The following COMMD1 variants were observed in gnomAD, a reference collection of about 807,000 sequenced individuals.
The protein encoded by COMMD1 is copper metabolism domain containing 1.
Under a neutral mutation model 17.2 loss-of-function variants are expected in COMMD1, and 10 were observed. The observed-to-expected ratio is 0.58, with a 90% confidence interval of 0.36 to 0.99. COMMD1 has a LOEUF of 0.99. COMMD1 is among the 50% of genes least tolerant of loss of function. The probability of loss-of-function intolerance (pLI) is 0.01; values close to 1 mark genes in which losing one functional copy is unlikely to be tolerated. For synonymous variants in COMMD1, 97 were observed against 91.6 expected (o/e 1.06, Z -0.34); for missense variants, 270 against 231.8 (o/e 1.17, Z -1.07).
At chr2:61,981,173 A>G (rs1171827741) in intron 1 of COMMD1, among the ~76,000 whole-genome samples, 3 of 151,998 alleles carry the variant, frequency 2.0e-5, no homozygotes, top group Non-Finnish European at 4.4e-5. Flanking sequence ...CCATTTGTCC[A>G]CTTTTGCTTT....
At chr2:62,042,450 C>T (rs1670245541) in intron 2 of COMMD1, among the ~76,000 whole-genome samples, 2 of 152,216 alleles carry the variant, frequency 1.3e-5, no homozygotes, top group Admixed American at 1.3e-4. Context: ...TTTGTGGCAC[C>T]TAGCCTGGGC....
chr2:62,035,951 G>A (rs1055414618), intron 2 of COMMD1, among the ~76,000 whole-genome samples: 1 of 151,930 alleles, frequency 6.6e-6, no homozygotes, highest in Non-Finnish European at 1.5e-5. Flanking sequence ...CTACCCAGGA[G>A]GCTGAGGTGG....
intron 1 of COMMD1, among the ~76,000 whole-genome samples, chr2:61,922,299 G>A (rs1440054844): frequency 1.1e-4 from 17 of 152,122 alleles, no homozygotes; most frequent in Admixed American, 1.0e-3. Context: ...TATTTTTATA[G>A]GATTGTGGCA....
intron 1 of COMMD1, among the ~76,000 whole-genome samples, chr2:61,953,237 T>C (rs1020813225): frequency 3.2e-4 from 49 of 152,322 alleles, no homozygotes; most frequent in African/African-American, 9.4e-4. Flanking sequence ...CTCGAACTCC[T>C]GACCTCAGGT....
At chr2:61,950,622 T>C (rs974347786) in intron 1 of COMMD1, among the ~76,000 whole-genome samples, 5 of 152,214 alleles carry the variant, frequency 3.3e-5, no homozygotes, top group African/African-American at 1.2e-4. Flanking sequence ...CTCTTTGGCA[T>C]ATCCAAGTTG....
chr2:61,949,891 G>A (rs978421533), intron 1 of COMMD1, among the ~76,000 whole-genome samples: 1 of 152,174 alleles, frequency 6.6e-6, no homozygotes, highest in Non-Finnish European at 1.5e-5. Flanking sequence ...GCCACTGGCT[G>A]CCTGCCTGCA....
At chr2:62,088,669 G>T (rs1671740231) in intron 2 of COMMD1, among the ~76,000 whole-genome samples, 2 of 152,056 alleles carry the variant, frequency 1.3e-5, no homozygotes, top group South Asian at 4.1e-4. Context: ...CCTTCACATT[G>T]CTTTCTGAAA....
At chr2:62,078,293 C>T (rs1231422902) in intron 2 of COMMD1, among the ~76,000 whole-genome samples, 9 of 147,086 alleles carry the variant, frequency 6.1e-5, no homozygotes, top group Non-Finnish European at 1.0e-4. Flanking sequence ...GTAGCTCATG[C>T]CTGTAATCCC....
At chr2:61,971,551 G>C (rs1024066168) in intron 1 of COMMD1, among the ~76,000 whole-genome samples, 2 of 152,122 alleles carry the variant, frequency 1.3e-5, no homozygotes, top group Admixed American at 6.6e-5. Context: ...AAAAAGGTGT[G>C]TGTGTGGGGT....
chr2:61,945,776 A>T (rs1670889179), intron 1 of COMMD1, among the ~76,000 whole-genome samples: 1 of 152,206 alleles, frequency 6.6e-6, no homozygotes, highest in Non-Finnish European at 1.5e-5. Flanking sequence ...GGGGGCTTCC[A>T]GGTCATAGGC....
chr2:62,017,250 A>G (rs1402634654), intron 2 of COMMD1, among the ~76,000 whole-genome samples: 1 of 152,250 alleles, frequency 6.6e-6, no homozygotes, highest in African/African-American at 2.4e-5. Context: ...GAACTGAATT[A>G]TGATAAACCT....
At chr2:61,960,402 T>C (rs1260181873) in intron 1 of COMMD1, among the ~76,000 whole-genome samples, 1 of 152,050 alleles carries the variant, frequency 6.6e-6, no homozygotes. Context: ...GAGTACAAGG[T>C]ATAATACACC....
chr2:61,931,989 A>G (rs1490309058), intron 1 of COMMD1, among the ~76,000 whole-genome samples: 1 of 152,082 alleles, frequency 6.6e-6, no homozygotes, highest in Non-Finnish European at 1.5e-5. Flanking sequence ...GAAAGACTCC[A>G]TGGTCTTTGT....
At chr2:62,060,020 A>G (rs947905402) in intron 2 of COMMD1, among the ~76,000 whole-genome samples, 2 of 152,158 alleles carry the variant, frequency 1.3e-5, no homozygotes, top group African/African-American at 4.8e-5. Flanking sequence ...AGAGATTACA[A>G]TATACATTCT....
At chr2:61,963,688 T>A (rs1292199943) in intron 1 of COMMD1, among the ~76,000 whole-genome samples, 1 of 152,146 alleles carries the variant, frequency 6.6e-6, no homozygotes, top group Non-Finnish European at 1.5e-5. Flanking sequence ...ACCCTCAAGC[T>A]TGTGATTAGT....
intron 1 of COMMD1, among the ~76,000 whole-genome samples, chr2:61,992,230 C>G (rs1372699985): frequency 1.3e-5 from 2 of 152,058 alleles, no homozygotes; most frequent in African/African-American, 4.8e-5. Context: ...TGAGATTTTT[C>G]AAAATACTTA....
intron 1 of COMMD1, among the ~76,000 whole-genome samples, chr2:61,925,165 G>A (rs1670296080): frequency 6.6e-6 from 1 of 152,030 alleles, no homozygotes; most frequent in Admixed American, 6.6e-5. Context: ...GATTGGCAGG[G>A]AGAGGGGTGT....
chr2:61,984,970 C>T (rs1672063055), intron 1 of COMMD1, among the ~76,000 whole-genome samples: 1 of 149,928 alleles, frequency 6.7e-6, no homozygotes, highest in African/African-American at 2.4e-5. Flanking sequence ...AGTATAGCTA[C>T]TCCTGCTCCT....
At chr2:61,908,891 CA>C (rs1253130498) in intron 1 of COMMD1, among the ~76,000 whole-genome samples, 1 of 151,890 alleles carries the variant, frequency 6.6e-6, no homozygotes, top group African/African-American at 2.4e-5. Flanking sequence ...CTTATGGAAA[CA>C]TAAAAAACAA....
Sources: allele counts gnomAD v4.1 joint callset (sites outside exome capture counted in the v4.1 genomes callset), GRCh38; gene constraint gnomAD v4.1.1; transcripts MANE v1.5; gene names NCBI Gene and HGNC (gene_info 2026-07-23, HGNC 2026-07-21).